MAPKAPK3: variants seen among roughly 807,000 people sequenced by gnomAD.
MAPKAPK3 encodes the protein MAP kinase-activated protein kinase 3.
A neutral mutation model predicts 49.2 loss-of-function variants in MAPKAPK3; 35 were observed. The ratio of observed to expected loss-of-function variants is 0.71; its 90% CI spans 0.54 to 0.94. The LOEUF (loss-of-function observed/expected upper bound fraction) is 0.94. MAPKAPK3 is among the 40% of genes least tolerant of loss of function. The pLI, the probability that MAPKAPK3 is intolerant of heterozygous loss-of-function variation, is 0.00. For synonymous variants in MAPKAPK3, 178 were observed against 188.7 expected, an observed-to-expected ratio of 0.94 and a Z score of 0.46; for missense variants, 398 against 493.1, an observed-to-expected ratio of 0.81 and a Z score of 1.83.
At chr3:50,628,130 G>A (rs2032807261) in intron 2 of MAPKAPK3, among the ~76,000 whole-genome samples, 2 of 152,172 alleles carry the variant, frequency 1.3e-5, no homozygotes, top group East Asian at 1.9e-4. Context: ...TCCTCCAGGC[G>A]AGAGAGACCA....
chr3:50,619,571 C>T (rs1477589972), intron 2 of MAPKAPK3, among the ~76,000 whole-genome samples: 1 of 152,100 alleles, frequency 6.6e-6, no homozygotes, highest in Non-Finnish European at 1.5e-5. Context: ...TTTAACCTTC[C>T]ACCTGTGCTA....
Position 50,644,449 on chromosome 3 carries a change from T to G in MAPKAPK3, c.545T>G (p.Val182Gly). The change falls in exon 6 of 11, where the codon GTG becomes GGG. Residue 182 changes from valine (V) to glycine (G), a missense_variant. Transcript: ENST00000621469. Reference protein sequence around the residue: ...LLYTSKEKDAVLKLTDFGFAK... With the variant: ...LLYTSKEKDAGLKLTDFGFAK... ...TACACATCTAAGGAGAAAGACGCAGTGCTTAAGCTCACCGATTTTGGCTTT... is the reference window on the plus strand; with the variant it reads ...TACACATCTAAGGAGAAAGACGCAGGGCTTAAGCTCACCGATTTTGGCTTT... The G allele has an allele frequency of 6.2e-7, 1 of 1,614,222 alleles. No individual in the cohort carries two copies.
Position 50,640,455 on chromosome 3 carries a change from G to C in MAPKAPK3, c.309G>C (p.Val103=), listed in dbSNP as rs748422112. ...GGPHIVCILD[V]YENMHHGKRC... ...CCCATATTGTCTGCATCCTGGATGT[G>C]TATGAGAACATGCACCATGGCAAGC... The change falls in exon 3 of 11, where the codon GTG becomes GTC. Residue 103 remains valine, a synonymous_variant. Transcript: ENST00000621469. 5.4e-5 allele frequency: 87 copies of C among 1,613,998 alleles called. 1 individual carries two copies. The highest frequency in any genetic ancestry group is 3.3e-5 in the Non-Finnish European group (39 of 1,179,998).
intron 9 of MAPKAPK3, 39 bp from the exon 10 acceptor site, chr3:50,647,084 C>T (rs1576017683): frequency 2.7e-6 from 4 of 1,507,488 alleles, no homozygotes; most frequent in East Asian, 2.4e-5. Context: ...GTCCCAGGTG[C>T]CTCCAGTTTC....
chr3:50,644,536 A>G lies in MAPKAPK3; in HGVS notation c.628+4A>G, dbSNP rs1400012854. 2.5e-6 allele frequency: 4 copies of G among 1,613,896 alleles called. No homozygotes were observed. The highest frequency in any genetic ancestry group is 3.4e-6 in the Non-Finnish European group (4 of 1,179,994). On this transcript the variant is annotated splice_donor_region_variant and intron_variant, in intron 6 of 10. Coordinates refer to ENST00000621469, the MANE Select transcript of MAPKAPK3 (RefSeq NM_001243925.2). ...TGCTATACTCCCTATTATGTGGGTG[A>G]GTCCTTCGGACATGAGTTGTAACTC...
chr3:50,638,884 C>G (rs960140464), intron 2 of MAPKAPK3, among the ~76,000 whole-genome samples: 1 of 152,238 alleles, frequency 6.6e-6, no homozygotes, highest in Non-Finnish European at 1.5e-5. Flanking sequence ...ATCCGAGCCC[C>G]GGTCTTGAGC....
chr3:50,644,589 T>C (rs1165715582), intron 6 of MAPKAPK3, 57 bp downstream of exon 6: 8 of 1,582,222 alleles, frequency 5.1e-6, no homozygotes, highest in African/African-American at 2.7e-5. Context: ...AGCTGTATTA[T>C]GGGGTAGCCA....
chr3:50,627,989 A>G (rs1225429993), intron 2 of MAPKAPK3, among the ~76,000 whole-genome samples: 1 of 152,170 alleles, frequency 6.6e-6, no homozygotes, highest in Non-Finnish European at 1.5e-5. Context: ...TGCTGAGCAG[A>G]TATGAGATAG....
At chr3:50,641,241 T>C (rs2033170266) in intron 3 of MAPKAPK3, among the ~76,000 whole-genome samples, 1 of 152,108 alleles carries the variant, frequency 6.6e-6, no homozygotes. Flanking sequence ...ACAAAAGAGA[T>C]AGCTGAGGCA....
chr3:50,643,844 A>G (rs954769644), intron 5 of MAPKAPK3, among the ~76,000 whole-genome samples: 1 of 151,624 alleles, frequency 6.6e-6, no homozygotes, highest in Non-Finnish European at 1.5e-5. Flanking sequence ...CCTACCTACC[A>G]TTCATTAAAA....
At chr3:50,632,762 G>A (rs1002348490) in intron 2 of MAPKAPK3, among the ~76,000 whole-genome samples, 2 of 152,380 alleles carry the variant, frequency 1.3e-5, no homozygotes, top group Admixed American at 1.3e-4. Context: ...GGGTATGGAG[G>A]TTGGGGTTTG....
In MAPKAPK3 at chr3:50,617,519, A is replaced by G; in HGVS notation, c.-47A>G. ...ACTCTTCCCCTTTCCCCCAGGTGCC[A>G]CTAGAAGCGCCAGGCTGGGGCCGCC... is the stretch of plus-strand genomic sequence containing the variant. On this transcript the variant is annotated 5_prime_UTR_variant, in exon 2 of 11. Coordinates refer to ENST00000621469, the MANE Select transcript of MAPKAPK3 (RefSeq NM_001243925.2). 1 of 917,740 alleles carries G rather than the reference A, an allele frequency of 1.1e-6. No individual in the cohort carries two copies. The highest frequency in any genetic ancestry group is 1.4e-5 in the South Asian group (1 of 69,214). 56.8% of individuals were successfully genotyped at this position (917,740 alleles called of 1,614,324 possible). A position where few individuals can be genotyped will look rare whatever the true frequency, so the allele number is the denominator to read the frequency against.
rs1304661794 is a variant in MAPKAPK3, at chr3:50,617,558, C to CG, written c.-3dup. ...GCTGGGGCCGCCTCTGAGCGCCCCG[C>CG]GGGGGCCATGGATGGTGAAACAGCA... On this transcript the variant is annotated 5_prime_UTR_variant, in exon 2 of 11. Transcript: ENST00000621469. The CG allele has an allele frequency of 1.4e-6, 2 of 1,447,026 alleles. No homozygotes were observed. Among genetic ancestry groups the CG allele is most frequent in the Non-Finnish European group, 9.6e-7 (1 of 1,040,172 alleles). 89.6% of individuals were successfully genotyped at this position (1,447,026 alleles called of 1,614,324 possible).
intron 2 of MAPKAPK3, among the ~76,000 whole-genome samples, chr3:50,624,884 T>A (rs566984778): frequency 6.6e-6 from 1 of 152,344 alleles, no homozygotes; most frequent in South Asian, 2.1e-4. Context: ...GAGCTGGCTC[T>A]GCTGCTCTCA....
intron 10 of MAPKAPK3, 113 bp downstream of exon 10, chr3:50,647,316 C>T (rs1576017974): frequency 3.8e-6 from 3 of 793,510 alleles, no homozygotes; most frequent in East Asian, 5.4e-5. Flanking sequence ...ATACCTGGAG[C>T]ACAGGGTGTC....
intron 2 of MAPKAPK3, among the ~76,000 whole-genome samples, chr3:50,634,035 G>GAAGTCAGT (rs2032974386): frequency 6.6e-6 from 1 of 152,212 alleles, no homozygotes; most frequent in Non-Finnish European, 1.5e-5. Context: ...ACTAGCTGGT[G>GAAGTCAGT]AAGTCAGTAG....
At chr3:50,637,480 CA>C (rs1430163443) in intron 2 of MAPKAPK3, among the ~76,000 whole-genome samples, 2 of 151,732 alleles carry the variant, frequency 1.3e-5, no homozygotes, top group African/African-American at 4.8e-5. Flanking sequence ...ACTAAAAATG[CA>C]AAAAATAGCT....
chr3:50,644,437 A>C lies in MAPKAPK3; in HGVS notation c.533A>C (p.Glu178Ala). Residue 178 changes from glutamate (E) to alanine (A), a missense_variant, in exon 6 of 11, where the codon GAG (glutamate) becomes GCG (alanine). By Grantham distance (107) the Glu-to-Ala change is moderately radical. Transcript: ENST00000621469. The stretch of plus-strand genomic sequence containing the variant: ...GAAAACCTACTCTACACATCTAAGG[A>C]GAAAGACGCAGTGCTTAAGCTCACC... ...KPENLLYTSKEKDAVLKLTDF... is the reference protein window; with the variant it reads ...KPENLLYTSKAKDAVLKLTDF... The C allele has an allele frequency of 6.2e-7, 1 of 1,614,190 alleles. No homozygotes were observed. The highest frequency in any genetic ancestry group is 8.5e-7 in the Non-Finnish European group (1 of 1,180,024).
At chr3:50,628,869 C>T (rs2032830456) in intron 2 of MAPKAPK3, among the ~76,000 whole-genome samples, 1 of 152,192 alleles carries the variant, frequency 6.6e-6, no homozygotes, top group Non-Finnish European at 1.5e-5. Context: ...GGTGAAAGGA[C>T]TGGCCATGGT....
Sources: allele counts gnomAD v4.1 joint callset (sites outside exome capture counted in the v4.1 genomes callset), GRCh38; gene constraint gnomAD v4.1.1; transcripts MANE v1.5; gene names NCBI Gene and HGNC (gene_info 2026-07-23, HGNC 2026-07-21).